The following MNAT1 variants were observed in gnomAD, a reference collection of about 807,000 sequenced individuals.
The protein encoded by MNAT1 is CDK-activating kinase assembly factor MAT1.
Under a neutral mutation model 42.0 loss-of-function variants are expected in MNAT1, and 43 were observed. That is an observed-to-expected ratio of 1.02 (90% CI 0.80 to 1.32). MNAT1 has a LOEUF of 1.32. Ranked by LOEUF, MNAT1 falls within the 40% of genes most tolerant of loss-of-function variation. The pLI is 0.00. For missense variants in MNAT1, 306 were observed against 350.4 expected (o/e 0.87, Z 1.01); for synonymous variants, 118 against 120.0 (o/e 0.98, Z 0.11).
intron 7 of MNAT1, among the ~76,000 whole-genome samples, chr14:60,963,923 T>C (rs886549230): frequency 2.6e-5 from 4 of 152,106 alleles, no homozygotes; most frequent in Admixed American, 1.3e-4. Flanking sequence ...ACAGGAAGAG[T>C]GCTTGCCTCT....
At chr14:60,938,044 G>T (rs541740336) in intron 7 of MNAT1, among the ~76,000 whole-genome samples, 11 of 152,250 alleles carry the variant, frequency 7.2e-5, no homozygotes, top group Non-Finnish European at 1.0e-4. Context: ...TATTGGTGTA[G>T]AAGAATGGTT....
chr14:60,955,129 T>C (rs1401222529), intron 7 of MNAT1, among the ~76,000 whole-genome samples: 1 of 152,192 alleles, frequency 6.6e-6, no homozygotes, highest in African/African-American at 2.4e-5. Context: ...TTGAAGATTT[T>C]TACATCTGTG....
At chr14:60,936,687 C>T (rs1377669934) in intron 7 of MNAT1, among the ~76,000 whole-genome samples, 1 of 152,138 alleles carries the variant, frequency 6.6e-6, no homozygotes, top group Non-Finnish European at 1.5e-5. Context: ...AATAAACATA[C>T]ATGTGCATGT....
At chr14:60,863,563 C>T (rs1474976925) in intron 6 of MNAT1, among the ~76,000 whole-genome samples, 1 of 152,038 alleles carries the variant, frequency 6.6e-6, no homozygotes, top group East Asian at 1.9e-4. Flanking sequence ...TCTTTGTCCT[C>T]TAGGGCATTG....
intron 7 of MNAT1, among the ~76,000 whole-genome samples, chr14:60,914,957 G>A (rs963284066): frequency 1.3e-5 from 2 of 152,174 alleles, no homozygotes; most frequent in African/African-American, 4.8e-5. Context: ...GGCAAAATGT[G>A]GACTAGATGA....
At chr14:60,906,811 A>G (rs958979855) in intron 7 of MNAT1, among the ~76,000 whole-genome samples, 13 of 152,320 alleles carry the variant, frequency 8.5e-5, no homozygotes, top group African/African-American at 2.2e-4. Flanking sequence ...TGTTGGTCCA[A>G]GTTCTCAAAA....
At chr14:60,739,695 T>C (rs1442664899) in intron 1 of MNAT1, among the ~76,000 whole-genome samples, 1 of 152,250 alleles carries the variant, frequency 6.6e-6, no homozygotes, top group African/African-American at 2.4e-5. Flanking sequence ...TGTTCTTTTT[T>C]TAATTTTTTC....
intron 6 of MNAT1, among the ~76,000 whole-genome samples, chr14:60,839,950 C>T (rs764645731): frequency 3.3e-5 from 5 of 152,166 alleles, no homozygotes; most frequent in Admixed American, 6.5e-5. Context: ...CCGTGCACAG[C>T]GTATCAGGCC....
In MNAT1 at chr14:60,784,558, G is replaced by A. The variant is rs141152833; in HGVS notation, c.90-11659G>A. On this transcript the variant is annotated intron_variant, in intron 1 of 7. Coordinates refer to ENST00000261245, the MANE Select transcript of MNAT1 (RefSeq NM_002431.4). Reference sequence around the variant, plus strand: ...TGCAGTGGTGTGATCTCAGCTCACTGCAACCTCCGCCTCCCGGGTTCAAGC... The same window carrying A: ...TGCAGTGGTGTGATCTCAGCTCACTACAACCTCCGCCTCCCGGGTTCAAGC... Among the ~76,000 whole-genome samples the A allele has an allele frequency of 7.3e-3, 1,114 of 151,798 alleles. 20 individuals are homozygous for A. Among genetic ancestry groups the A allele is most frequent in the African/African-American group, 0.026 (1,072 of 41,376 alleles).
chr14:60,772,807 T>G (rs1466472875), intron 1 of MNAT1, among the ~76,000 whole-genome samples: 1 of 151,754 alleles, frequency 6.6e-6, no homozygotes, highest in African/African-American at 2.4e-5. Context: ...TCCAGAGTGC[T>G]AGGTAGAAAT....
At chr14:60,874,132 G>T (rs1392878249) in intron 6 of MNAT1, among the ~76,000 whole-genome samples, 1 of 152,052 alleles carries the variant, frequency 6.6e-6, no homozygotes, top group Non-Finnish European at 1.5e-5. Context: ...GTGTATTCAC[G>T]CTCTCTTTTC....
At chr14:60,889,362 A>G (rs924369799) in intron 7 of MNAT1, among the ~76,000 whole-genome samples, 4 of 152,168 alleles carry the variant, frequency 2.6e-5, no homozygotes, top group African/African-American at 7.2e-5. Flanking sequence ...AGGATTCCCT[A>G]TTTAATAAAT....
At chr14:60,771,136 G>C (rs537462957) in intron 1 of MNAT1, among the ~76,000 whole-genome samples, 127 of 152,168 alleles carry the variant, frequency 8.3e-4, no homozygotes, top group Non-Finnish European at 1.6e-3. Flanking sequence ...CTTTAAAGAG[G>C]TTGTACAGTT....
intron 1 of MNAT1, among the ~76,000 whole-genome samples, chr14:60,757,741 A>G (rs972561251): frequency 6.6e-6 from 1 of 152,234 alleles, no homozygotes; most frequent in African/African-American, 2.4e-5. Context: ...TATGTAGAAT[A>G]GGAAATAGGA....
At chr14:60,842,900 A>G (rs1158299356) in intron 6 of MNAT1, among the ~76,000 whole-genome samples, 1 of 152,198 alleles carries the variant, frequency 6.6e-6, no homozygotes. Context: ...ATCCTATTGC[A>G]TGTTGCTAGC....
chr14:60,842,392 G>T lies in MNAT1; in HGVS notation c.687+23545G>T, dbSNP rs142348224. ...TCTCCTTGATTCCTAGGCTCTGTTT[G>T]GGTTACTTCTCTATGTATTATAGCC... is the stretch of plus-strand genomic sequence containing the variant. On this transcript the variant is annotated intron_variant, in intron 6 of 7. Transcript: ENST00000261245. 1.6e-3 allele frequency among the ~76,000 whole-genome samples: 240 copies of T among 152,204 alleles called. 1 individual carries two copies. The highest frequency in any genetic ancestry group is 3.4e-3 in the Middle Eastern group (1 of 294).
chr14:60,884,073 G>A (rs1265769224), intron 7 of MNAT1, among the ~76,000 whole-genome samples: 1 of 151,126 alleles, frequency 6.6e-6, no homozygotes, highest in African/African-American at 2.5e-5. Flanking sequence ...TCTCCTGTCT[G>A]ATTGCTCTAG....
chr14:60,816,616 G>A (rs1207432818), intron 5 of MNAT1, among the ~76,000 whole-genome samples: 2 of 152,014 alleles, frequency 1.3e-5, no homozygotes, highest in African/African-American at 4.8e-5. Flanking sequence ...ATTAATACAG[G>A]TTAGGGAACC....
At chr14:60,838,299 C>A (rs938126558) in intron 6 of MNAT1, among the ~76,000 whole-genome samples, 8 of 151,944 alleles carry the variant, frequency 5.3e-5, no homozygotes, top group African/African-American at 1.7e-4. Flanking sequence ...CCACACCTGG[C>A]GAATTTTTTT....
Sources: gnomAD v4.1 joint callset for allele counts (sites outside exome capture counted in the v4.1 genomes callset) on GRCh38, gnomAD v4.1.1 for gene constraint, MANE v1.5 for transcripts, NCBI Gene and HGNC (gene_info 2026-07-23, HGNC 2026-07-21) for gene names.